COL23A1: variants seen among roughly 807,000 people sequenced by gnomAD.
COL23A1 encodes collagen type XXIII alpha 1 chain.
A neutral mutation model predicts 99.3 loss-of-function variants in COL23A1; 97 were observed. The observed-to-expected ratio is 0.98, with a 90% CI of 0.83 to 1.16. The LOEUF is 1.16. Ranked by LOEUF, COL23A1 falls within the 50% of genes most tolerant of loss-of-function variation. COL23A1 has a pLI of 0.00. For synonymous variants in COL23A1, 320 were observed against 308.2 expected (o/e 1.04, Z -0.40); for missense variants, 762 against 757.4 (o/e 1.01, Z -0.07).
At chr5:178,449,748 G>GT (rs1452181692) in intron 2 of COL23A1, among the ~76,000 whole-genome samples, 1 of 151,808 alleles carries the variant, frequency 6.6e-6, no homozygotes, top group Non-Finnish European at 1.5e-5. Flanking sequence ...GTCTGGTCTC[G>GT]TATGTTTCTG....
chr5:178,304,913 C>T (rs1055789850), intron 3 of COL23A1, among the ~76,000 whole-genome samples: 4 of 152,138 alleles, frequency 2.6e-5, no homozygotes, highest in African/African-American at 4.8e-5. Context: ...CACGGGGCCA[C>T]GGACCCAGTG....
intron 1 of COL23A1, chr5:178,562,102 C>A (rs11249552): frequency 0.091 from 48,469 of 529,818 alleles, 2,752 homozygotes; most frequent in Middle Eastern, 0.21. Context: ...GAAGCCACAG[C>A]GTGGTGGCAG....
At chr5:178,523,924 T>C (rs1387678757) in intron 2 of COL23A1, among the ~76,000 whole-genome samples, 5 of 152,302 alleles carry the variant, frequency 3.3e-5, no homozygotes, top group African/African-American at 9.6e-5. Context: ...GCAACCACTA[T>C]TTCCTGAGAC....
At chr5:178,348,908 G>A (rs1327152148) in intron 2 of COL23A1, among the ~76,000 whole-genome samples, 2 of 152,126 alleles carry the variant, frequency 1.3e-5, no homozygotes, top group Non-Finnish European at 2.9e-5. Context: ...CCACTGCAGA[G>A]GGTCAGCCTC....
intron 2 of COL23A1, among the ~76,000 whole-genome samples, chr5:178,377,183 C>A (rs1045915307): frequency 5.9e-5 from 9 of 152,232 alleles, no homozygotes; most frequent in Non-Finnish European, 8.8e-5. Context: ...CCAGCATCCA[C>A]CCAGCAGAGC....
At chr5:178,506,189 C>G (rs113394044) in intron 2 of COL23A1, among the ~76,000 whole-genome samples, 2,459 of 152,354 alleles carry the variant, frequency 0.016, 41 homozygotes, top group Middle Eastern at 0.092. Context: ...TCACTCCTTC[C>G]CCCTGGGCTG....
At chr5:178,558,161 T>C (rs2113541036) in intron 2 of COL23A1, among the ~76,000 whole-genome samples, 1 of 151,650 alleles carries the variant, frequency 6.6e-6, no homozygotes, top group African/African-American at 2.4e-5. Flanking sequence ...GGCCTCTTTC[T>C]AGAGGAGTTC....
chr5:178,426,092 C>T (rs1251991275), intron 2 of COL23A1, among the ~76,000 whole-genome samples: 4 of 152,154 alleles, frequency 2.6e-5, no homozygotes, highest in Non-Finnish European at 4.4e-5. Flanking sequence ...TAGAAGTCTC[C>T]GTTTAGTGTG....
chr5:178,563,614 C>T (rs1762712500), intron 1 of COL23A1, among the ~76,000 whole-genome samples: 1 of 150,100 alleles, frequency 6.7e-6, no homozygotes, highest in East Asian at 2.0e-4. Flanking sequence ...TCACTGCAGC[C>T]TCAACCTCTC....
chr5:178,328,625 A>C (rs1311262843), intron 2 of COL23A1, among the ~76,000 whole-genome samples: 1 of 152,232 alleles, frequency 6.6e-6, no homozygotes, highest in Non-Finnish European at 1.5e-5. Context: ...TGCTTCAGAA[A>C]GGAAGGAGTC....
chr5:178,564,323 C>T (rs1229304119), intron 1 of COL23A1, among the ~76,000 whole-genome samples: 1 of 152,158 alleles, frequency 6.6e-6, no homozygotes, highest in African/African-American at 2.4e-5. Context: ...CACCTCCAGG[C>T]CCCTCACTTT....
At chr5:178,356,357 T>C (rs1388103231) in intron 2 of COL23A1, among the ~76,000 whole-genome samples, 1 of 146,778 alleles carries the variant, frequency 6.8e-6, no homozygotes, top group Non-Finnish European at 1.5e-5. Context: ...GTCTGTGAAC[T>C]GTATATCAAT....
intron 2 of COL23A1, among the ~76,000 whole-genome samples, chr5:178,347,395 A>C (rs1414203742): frequency 6.6e-6 from 1 of 150,660 alleles, no homozygotes; most frequent in Non-Finnish European, 1.5e-5. Flanking sequence ...AGAAGTAGAC[A>C]CGGGGATGCC....
At chr5:178,586,612 A>G (rs1391775468) in intron 1 of COL23A1, among the ~76,000 whole-genome samples, 1 of 150,476 alleles carries the variant, frequency 6.6e-6, no homozygotes, top group African/African-American at 2.4e-5. Flanking sequence ...GTTGCAAGGA[A>G]AAAAAAAAAA....
intron 2 of COL23A1, among the ~76,000 whole-genome samples, chr5:178,435,997 T>C (rs1766538578): frequency 6.6e-6 from 1 of 152,224 alleles, no homozygotes; most frequent in Non-Finnish European, 1.5e-5. Context: ...CCAAATGTGC[T>C]GGGCATCGTG....
At chr5:178,400,366 C>CAAAAAA (rs58417444) in intron 2 of COL23A1, among the ~76,000 whole-genome samples, 8 of 62,800 alleles carry the variant, frequency 1.3e-4, no homozygotes, top group African/African-American at 4.1e-4. Flanking sequence ...GACTCCGTCT[C>CAAAAAA]AAAAAAAAAA....
chr5:178,413,803 T>C (rs1322345178), intron 2 of COL23A1, among the ~76,000 whole-genome samples: 1 of 152,198 alleles, frequency 6.6e-6, no homozygotes, highest in Non-Finnish European at 1.5e-5. Flanking sequence ...AAGTTGGGAA[T>C]GCCTGAATCT....
chr5:178,246,492 T>C, intron 22 of COL23A1, 39 bp from the exon 23 acceptor site: 1 of 1,545,870 alleles, frequency 6.5e-7, no homozygotes, highest in Non-Finnish European at 8.8e-7. Flanking sequence ...GGGGAAGGGG[T>C]TAGACAGACA....
intron 2 of COL23A1, among the ~76,000 whole-genome samples, chr5:178,523,201 T>TATATATATATATATATAGAG (rs1223542330): frequency 2.6e-5 from 2 of 77,632 alleles, no homozygotes; most frequent in Non-Finnish European, 2.5e-5. Flanking sequence ...TATATATATA[T>TATATATATATATATATAGAG]AGAGAGAGAG....
Sources: gnomAD v4.1 joint callset for allele counts (sites outside exome capture counted in the v4.1 genomes callset) on GRCh38, gnomAD v4.1.1 for gene constraint, MANE v1.5 for transcripts, NCBI Gene and HGNC (gene_info 2026-07-23, HGNC 2026-07-21) for gene names.